The following CTNND2 variants were observed in gnomAD, a reference collection of about 807,000 sequenced individuals.
CTNND2 encodes catenin delta-2.
In CTNND2, 22 loss-of-function variants were observed where a neutral mutation model predicts 144.4. The observed-to-expected ratio is 0.15, with a 90% CI of 0.11 to 0.22. CTNND2 has a LOEUF of 0.22. Ranked by LOEUF, CTNND2 falls within the 10% of genes least tolerant of loss-of-function variation. The pLI, the probability that CTNND2 is intolerant of heterozygous loss-of-function variation, is 1.00. For synonymous variants in CTNND2, 751 were observed against 695.6 expected, an observed-to-expected ratio of 1.08 and a Z score of -1.25; for missense variants, 1,353 against 1,618.8, an observed-to-expected ratio of 0.84 and a Z score of 2.82.
chr5:11,094,184 G>A (rs1751067961), intron 15 of CTNND2, among the ~76,000 whole-genome samples: 1 of 152,152 alleles, frequency 6.6e-6, no homozygotes, highest in African/African-American at 2.4e-5. Flanking sequence ...CTTCTCATAA[G>A]CAAGACTGAC....
At chr5:11,194,597 C>T (rs2149819699) in intron 11 of CTNND2, among the ~76,000 whole-genome samples, 1 of 152,228 alleles carries the variant, frequency 6.6e-6, no homozygotes, top group Non-Finnish European at 1.5e-5. Flanking sequence ...ATGCAGAGAG[C>T]TCAGAAAAAC....
At chr5:11,885,422 T>C (rs1486911907) in intron 1 of CTNND2, among the ~76,000 whole-genome samples, 1 of 152,080 alleles carries the variant, frequency 6.6e-6, no homozygotes, top group East Asian at 1.9e-4. Context: ...AGAATACACT[T>C]TGAGTCAAAA....
intron 2 of CTNND2, among the ~76,000 whole-genome samples, chr5:11,655,658 A>T (rs1206064696): frequency 3.3e-5 from 5 of 152,086 alleles, no homozygotes; most frequent in Non-Finnish European, 1.5e-5. Context: ...GAAATAAAAC[A>T]CAATACAAAT....
intron 7 of CTNND2, among the ~76,000 whole-genome samples, chr5:11,378,374 GC>G (rs1317752307): frequency 6.6e-6 from 1 of 152,178 alleles, no homozygotes; most frequent in Non-Finnish European, 1.5e-5. Flanking sequence ...TTGGGAGAGT[GC>G]CCAGTTAGGT....
intron 3 of CTNND2, among the ~76,000 whole-genome samples, chr5:11,418,858 T>C (rs1486780913): frequency 1.3e-5 from 2 of 152,120 alleles, no homozygotes; most frequent in African/African-American, 4.8e-5. Flanking sequence ...ATGTAGTTCT[T>C]AAAAACAAAA....
At position 11,546,200 on chromosome 5, in the gene CTNND2, T is replaced by C. The variant is rs769448685; in HGVS notation, c.287+18744A>G. Among the ~76,000 whole-genome samples, 9 of 152,164 alleles carry C rather than the reference T, an allele frequency of 5.9e-5. 1 individual carries two copies. Among genetic ancestry groups the C allele is most frequent in the Admixed American group, 2.6e-4 (4 of 15,276 alleles). ...GTTCTAAAATGGACTGTGGTGATGC[T>C]TGTAAAAATCTGAGAATATATTAAA... On this transcript the variant is annotated intron_variant, in intron 3 of 21. Transcript: ENST00000304623.
At chr5:11,023,582 T>C (rs1742518966) in intron 16 of CTNND2, among the ~76,000 whole-genome samples, 1 of 152,232 alleles carries the variant, frequency 6.6e-6, no homozygotes. Flanking sequence ...AGAGAGGTAC[T>C]TGACAATCTA....
chr5:11,688,286 G>A (rs747170655), intron 2 of CTNND2, among the ~76,000 whole-genome samples: 6 of 152,042 alleles, frequency 3.9e-5, no homozygotes, highest in African/African-American at 7.2e-5. Flanking sequence ...CTGAACTCCC[G>A]GAAGACAAGG....
At chr5:11,589,796 T>C (rs903273146) in intron 2 of CTNND2, among the ~76,000 whole-genome samples, 23 of 152,318 alleles carry the variant, frequency 1.5e-4, no homozygotes, top group Non-Finnish European at 2.8e-4. Context: ...ATTTTATAAT[T>C]AGACGACCTG....
chr5:11,319,366 G>C (rs1214205756), intron 9 of CTNND2, among the ~76,000 whole-genome samples: 1 of 152,140 alleles, frequency 6.6e-6, no homozygotes. Flanking sequence ...TGTAAAATTA[G>C]AGAGTTTTAA....
intron 3 of CTNND2, among the ~76,000 whole-genome samples, chr5:11,521,094 T>C (rs189549099): frequency 1.6e-4 from 25 of 152,342 alleles, no homozygotes; most frequent in African/African-American, 5.8e-4. Context: ...AAGATGTGCT[T>C]ATTACCATTT....
intron 12 of CTNND2, among the ~76,000 whole-genome samples, chr5:11,124,352 C>T (rs1020436351): frequency 1.4e-4 from 21 of 152,186 alleles, no homozygotes; most frequent in African/African-American, 4.8e-4. Flanking sequence ...CTGTGGAGAA[C>T]ATCCTTACAT....
chr5:11,652,165 T>C (rs190174101), intron 2 of CTNND2, among the ~76,000 whole-genome samples: 6 of 152,318 alleles, frequency 3.9e-5, no homozygotes. Flanking sequence ...ATCTTGGAGA[T>C]GGACTTCCCC....
At chr5:11,100,015 G>A (rs183960147) in intron 14 of CTNND2, among the ~76,000 whole-genome samples, 4 of 152,200 alleles carry the variant, frequency 2.6e-5, no homozygotes, top group African/African-American at 4.8e-5. Flanking sequence ...GTATAAATAT[G>A]AAAAACAAAA....
chr5:11,228,488 A>AT (rs1216853512), intron 10 of CTNND2, among the ~76,000 whole-genome samples: 3,664 of 131,972 alleles, frequency 0.028, 77 homozygotes, highest in African/African-American at 0.057. Context: ...CAGGTTATGG[A>AT]TTTTTTTTTT....
intron 1 of CTNND2, among the ~76,000 whole-genome samples, chr5:11,880,246 G>A (rs79623836): frequency 0.023 from 3,444 of 152,120 alleles, 137 homozygotes; most frequent in African/African-American, 0.077. Context: ...TTCAGGGTCT[G>A]CCAAGTTAGG....
chr5:11,040,115 G>A (rs1392884424), intron 16 of CTNND2, among the ~76,000 whole-genome samples: 2 of 151,532 alleles, frequency 1.3e-5, no homozygotes, highest in African/African-American at 2.4e-5. Context: ...GCATGGTGGC[G>A]GGTGCCTGTA....
chr5:11,778,934 G>C (rs1790397692), intron 1 of CTNND2, among the ~76,000 whole-genome samples: 1 of 152,134 alleles, frequency 6.6e-6, no homozygotes, highest in Admixed American at 6.5e-5. Flanking sequence ...AGATTTAAAA[G>C]TTTCTTTTAA....
At chr5:11,676,328 G>C (rs113555867) in intron 2 of CTNND2, among the ~76,000 whole-genome samples, 1 of 151,962 alleles carries the variant, frequency 6.6e-6, no homozygotes, top group Non-Finnish European at 1.5e-5. Flanking sequence ...AAAAAAAGAG[G>C]TGAGAAATTC....
Sources: allele counts gnomAD v4.1 joint callset (sites outside exome capture counted in the v4.1 genomes callset), GRCh38; gene constraint gnomAD v4.1.1; transcripts MANE v1.5; gene names NCBI Gene and HGNC (gene_info 2026-07-23, HGNC 2026-07-21).